The following RARG variants were observed in gnomAD, a reference collection of about 807,000 sequenced individuals.
The protein encoded by RARG is RAR-gamma.
A neutral mutation model predicts 43.7 loss-of-function variants in RARG; 17 were observed. The ratio of observed to expected loss-of-function variants is 0.39; its 90% CI spans 0.27 to 0.58. The LOEUF is 0.58. Ranked by LOEUF, RARG falls within the 20% of genes least tolerant of loss-of-function variation. The pLI is 0.57. For missense variants in RARG, 346 were observed against 598.7 expected (o/e 0.58, Z 4.40); for synonymous variants, 238 against 236.4 (o/e 1.01, Z -0.06).
intron 3 of RARG, among the ~76,000 whole-genome samples, chr12:53,226,978 C>G (rs1248368035): frequency 6.6e-6 from 1 of 152,150 alleles, no homozygotes; most frequent in East Asian, 1.9e-4. Context: ...CCCAGTTTGG[C>G]TCCCTCCAAC....
intron 3 of RARG, among the ~76,000 whole-genome samples, chr12:53,221,192 C>T (rs911806645): frequency 2.1e-5 from 3 of 146,064 alleles, no homozygotes; most frequent in Admixed American, 1.4e-4. Flanking sequence ...CCAGAGTCTA[C>T]CCCTCCTAGC....
At chr12:53,220,017 T>C (rs1375041688) in intron 3 of RARG, 2 of 1,531,622 alleles carry the variant, frequency 1.3e-6, no homozygotes, top group Admixed American at 2.1e-5. Flanking sequence ...CGCCGGTGGC[T>C]CTGCGCAGCA....
In RARG at chr12:53,213,274, G is replaced by C. The variant is rs1176856565; in HGVS notation, c.1019-31C>G. 6.5e-7 allele frequency: 1 copy of C among 1,532,450 alleles called. No individual in the cohort carries two copies. Among genetic ancestry groups the C allele is most frequent in the Admixed American group, 1.7e-5 (1 of 57,876 alleles). The allele number at this position is 1,532,450 out of a possible 1,614,324, so 94.9% of individuals were successfully genotyped here. ...GGGACAAGTATACTGGAGTGAGAGGGGAAGGAAGAGATGGGGAAGACACAG... is the reference window on the plus strand; with the variant it reads ...GGGACAAGTATACTGGAGTGAGAGGCGAAGGAAGAGATGGGGAAGACACAG... On this transcript the variant is annotated intron_variant, in intron 8 of 9. Transcript: ENST00000425354. The surrounding 1 kb of genome is among the most constrained non-coding windows in gnomAD (Gnocchi z 4.7).
In RARG at chr12:53,213,278, G is replaced by A; in HGVS notation, c.1019-35C>T. The A allele has an allele frequency of 6.6e-7, 1 of 1,525,260 alleles. No homozygotes were observed. Among genetic ancestry groups the A allele is most frequent in the Non-Finnish European group, 9.0e-7 (1 of 1,105,562 alleles). The allele number at this position is 1,525,260 out of a possible 1,614,324, so 94.5% of individuals were successfully genotyped here. A position where few individuals can be genotyped will look rare whatever the true frequency, so the allele number is the denominator to read the frequency against. ...CAAGTATACTGGAGTGAGAGGGGAA[G>A]GAAGAGATGGGGAAGACACAGTGAC... On this transcript the variant is annotated intron_variant, in intron 8 of 9. Coordinates refer to ENST00000425354, the MANE Select transcript of RARG (RefSeq NM_000966.6). The surrounding 1 kb of genome is among the most constrained non-coding windows in gnomAD (Gnocchi z 4.7).
Position 53,215,790 on chromosome 12 carries a change from C to T in RARG, c.189G>A (p.Val63=), listed in dbSNP as rs1942743231. Residue 63 remains valine, a synonymous_variant, in exon 4 of 10, where the codon GTG becomes GTA. Coordinates refer to ENST00000425354, the MANE Select transcript of RARG (RefSeq NM_000966.6). The surrounding 1 kb of genome is among the most constrained non-coding windows in gnomAD (Gnocchi z 6.4). The part of the protein sequence containing the change: ...DLPKEMASLS[V]ETQSTSSEEM... The stretch of plus-strand genomic sequence containing the variant: ...CCTCTGAGCTGGTGCTCTGTGTCTC[C>T]ACCGCTGGGAGGGAAGCAGTGATGT... The T allele has an allele frequency of 6.2e-7, 1 of 1,603,180 alleles. No individual in the cohort carries two copies. The highest frequency in any genetic ancestry group is 1.7e-5 in the Admixed American group (1 of 59,414).
chr12:53,227,574 G>T lies in RARG; in HGVS notation c.-29C>A, dbSNP rs763296042. ...AGCTGCGGTGTGAGAGTCCCCTGGG[G>T]TCTGCAGTGGGCGGGCGAGGTCTTC... On this transcript the variant is annotated 5_prime_UTR_variant, in exon 3 of 10. Transcript: ENST00000425354. The surrounding 1 kb of genome is among the most constrained non-coding windows in gnomAD (Gnocchi z 4.3). The T allele has an allele frequency of 6.7e-7, 1 of 1,502,364 alleles. No homozygotes were observed. Among genetic ancestry groups the T allele is most frequent in the Admixed American group, 2.2e-5 (1 of 45,478 alleles). The allele number at this position is 1,502,364 out of a possible 1,614,324, so 93.1% of individuals were successfully genotyped here.
In RARG at chr12:53,227,699, G is replaced by C. The variant is rs953299160; in HGVS notation, c.-142-12C>G. The C allele has an allele frequency of 1.6e-6, 2 of 1,269,954 alleles. No homozygotes were observed. The highest frequency in any genetic ancestry group is 2.1e-5 in the South Asian group (1 of 46,672). 78.7% of individuals were successfully genotyped at this position (1,269,954 alleles called of 1,614,324 possible). ...GGCCTCCAAAAGTCCTAGGGAGAAAGAGAGAGAAAGGAGAGATGAGAGAAT... is the reference window on the plus strand; with the variant it reads ...GGCCTCCAAAAGTCCTAGGGAGAAACAGAGAGAAAGGAGAGATGAGAGAAT... On this transcript the variant is annotated splice_polypyrimidine_tract_variant and intron_variant, in intron 2 of 9. Transcript: ENST00000425354. This position sits in a 1 kb window ranked among gnomAD's most constrained non-coding sequence, Gnocchi z 4.3.
chr12:53,211,685 G>A lies in RARG; in HGVS notation c.1356C>T (p.Ser452=). 1 of 1,522,170 alleles carries A rather than the reference G, an allele frequency of 6.6e-7. No homozygotes were observed. Among genetic ancestry groups the A allele is most frequent in the East Asian group, 2.5e-5 (1 of 39,248 alleles). 94.3% of individuals were successfully genotyped at this position (1,522,170 alleles called of 1,614,324 possible). Reference sequence around the variant, plus strand: ...AGGTCAGGGGCCCTGGTCAGGCTGGGGACTTCAGGCCCCCTTTGCCCTGGC... The same window carrying A: ...AGGTCAGGGGCCCTGGTCAGGCTGGAGACTTCAGGCCCCCTTTGCCCTGGC... The part of the protein sequence containing the change: ...PGGQGKGGLK[S]PA The change falls in exon 10 of 10, where the codon TCC becomes TCT. Residue 452 remains serine, a synonymous_variant. Transcript: ENST00000425354. The surrounding 1 kb of genome is among the most constrained non-coding windows in gnomAD (Gnocchi z 4.6).
At chr12:53,216,370 G>T (rs1169299799) in intron 3 of RARG, among the ~76,000 whole-genome samples, 1 of 152,092 alleles carries the variant, frequency 6.6e-6, no homozygotes, top group African/African-American at 2.4e-5. Context: ...AGTACAGGGG[G>T]GATAACTCCT....
chr12:53,213,937 C>G lies in RARG; in HGVS notation c.813+122G>C. On this transcript the variant is annotated intron_variant, in intron 7 of 9. Transcript: ENST00000425354. The surrounding 1 kb of genome is among the most constrained non-coding windows in gnomAD (Gnocchi z 4.7). ...GGCAGAGGCTAAGACGAAAAGAGAG[C>G]TGAGGAGTCCCACATGTGTGGCAGG... The G allele has an allele frequency of 4.0e-6, 5 of 1,241,854 alleles. No homozygotes were observed. The highest frequency in any genetic ancestry group is 5.7e-6 in the Non-Finnish European group (5 of 883,784). The allele number at this position is 1,241,854 out of a possible 1,614,324, so 76.9% of individuals were successfully genotyped here.
chr12:53,216,837 T>TGC (rs1344475696), intron 3 of RARG, among the ~76,000 whole-genome samples: 63 of 139,562 alleles, frequency 4.5e-4, no homozygotes, highest in South Asian at 1.9e-3. Flanking sequence ...TGTGTGTGTG[T>TGC]GTGTGCGCGC....
intron 3 of RARG, among the ~76,000 whole-genome samples, chr12:53,222,317 A>C (rs575656584): frequency 6.7e-6 from 1 of 150,258 alleles, no homozygotes; most frequent in African/African-American, 2.5e-5. Flanking sequence ...GAGAGAGAGA[A>C]AGAAAGAACT....
chr12:53,220,745 A>G (rs1303988812), intron 3 of RARG, among the ~76,000 whole-genome samples: 2 of 152,092 alleles, frequency 1.3e-5, no homozygotes. Flanking sequence ...GGAGGAACCA[A>G]GCATAAGCAT....
rs1268784581 is a variant in RARG at position 53,211,737 on chromosome 12, G to A, written c.1304C>T (p.Ala435Val). The change falls in exon 10 of 10, where the codon GCC becomes GTC. Residue 435 changes from alanine (A) to valine (V), a missense_variant. This residue lies in a region of RARG where 40 missense variants were observed against 44.6 expected (regional missense o/e 0.90). Coordinates refer to ENST00000425354, the MANE Select transcript of RARG (RefSeq NM_000966.6). The surrounding 1 kb of genome is among the most constrained non-coding windows in gnomAD (Gnocchi z 4.6). ...DSSQPGPHPN[A>V]SSEDEVPGGQ... is the part of the protein sequence containing the mutation. ...CCCAGGAACCTCATCCTCGCTAGAG[G>A]CATTGGGGTGGGGACCAGGCTGCGA... 1.9e-6 allele frequency: 3 copies of A among 1,568,432 alleles called. No individual in the cohort carries two copies. The highest frequency in any genetic ancestry group is 1.4e-5 in the African/African-American group (1 of 71,832).
intron 3 of RARG, chr12:53,220,290 G>A (rs1942919401): frequency 7.3e-7 from 1 of 1,368,616 alleles, no homozygotes; most frequent in Non-Finnish European, 9.5e-7. Context: ...AAGGGACTGG[G>A]CGGGGCGCGA....
At chr12:53,222,114 T>C (rs1942984501) in intron 3 of RARG, among the ~76,000 whole-genome samples, 1 of 151,624 alleles carries the variant, frequency 6.6e-6, no homozygotes. Context: ...GAAGCAGGGA[T>C]GGAGAGGGAA....
At position 53,213,027 on chromosome 12, in the gene RARG, G is replaced by T; in HGVS notation, c.1177+58C>A. 2 of 1,531,914 alleles carry T rather than the reference G, an allele frequency of 1.3e-6. No homozygotes were observed. Among genetic ancestry groups the T allele is most frequent in the South Asian group, 2.5e-5 (2 of 81,170 alleles). The allele number at this position is 1,531,914 out of a possible 1,614,324, so 94.9% of individuals were successfully genotyped here. On this transcript the variant is annotated intron_variant, in intron 9 of 9. Coordinates refer to ENST00000425354, the MANE Select transcript of RARG (RefSeq NM_000966.6). This position sits in a 1 kb window ranked among gnomAD's most constrained non-coding sequence, Gnocchi z 4.7. Reference sequence around the variant, plus strand: ...CTTGTCTCTGTGTGTCCTCCTGTCCGACCTGGGAGACCAACAGCCCTGGGA... The same window carrying T: ...CTTGTCTCTGTGTGTCCTCCTGTCCTACCTGGGAGACCAACAGCCCTGGGA...
chr12:53,215,437 G>A lies in RARG; in HGVS notation c.334-3C>T, dbSNP rs1452530821. On this transcript the variant is annotated splice_polypyrimidine_tract_variant and splice_region_variant and intron_variant, in intron 4 of 9. Transcript: ENST00000425354. The surrounding 1 kb of genome is among the most constrained non-coding windows in gnomAD (Gnocchi z 6.4). ...TGGATGCTTCGGCGAAAGAAGCCCTGGAGTTGAGGGAAAGAGAGAGGGCCT... is the reference window on the plus strand; with the variant it reads ...TGGATGCTTCGGCGAAAGAAGCCCTAGAGTTGAGGGAAAGAGAGAGGGCCT... The A allele has an allele frequency of 5.6e-6, 9 of 1,614,024 alleles. No homozygotes were observed. Among genetic ancestry groups the A allele is most frequent in the Non-Finnish European group, 7.6e-6 (9 of 1,179,926 alleles).
chr12:53,212,733 TATATACACACACACAC>T (rs1196707405), intron 9 of RARG, among the ~76,000 whole-genome samples: 106 of 130,880 alleles, frequency 8.1e-4, no homozygotes, highest in African/African-American at 3.2e-3. Flanking sequence ...TCTAAATATA[TATATACACACACACAC>T]ACACACACAC....
Sources: gnomAD v4.1 joint callset for allele counts (sites outside exome capture counted in the v4.1 genomes callset) on GRCh38, gnomAD v4.1.1 for gene constraint, gnomAD v4.1.1 regional missense constraint, Gnocchi (gnomAD v3.1) non-coding constraint, MANE v1.5 for transcripts, NCBI Gene and HGNC (gene_info 2026-07-23, HGNC 2026-07-21) for gene names.